Variants in COLEC12 observed in about 807,000 individuals in gnomAD.
COLEC12 encodes collectin subfamily member 12, also known as collectin-12.
Under a neutral mutation model 71.1 loss-of-function variants are expected in COLEC12, and 33 were observed. The ratio of observed to expected loss-of-function variants is 0.46; its 90% CI spans 0.35 to 0.62. COLEC12 has a LOEUF of 0.62. Among genes scored for constraint, COLEC12 ranks in the 20% least tolerant of loss-of-function variants. COLEC12 has a pLI of 0.00. For synonymous variants in COLEC12, 350 were observed against 353.0 expected, an observed-to-expected ratio of 0.99 and a Z score of 0.10; for missense variants, 765 against 916.1, an observed-to-expected ratio of 0.84 and a Z score of 2.13.
chr18:495,220 T>C (rs765036776), intron 1 of COLEC12, among the ~76,000 whole-genome samples: 2 of 152,242 alleles, frequency 1.3e-5, no homozygotes, highest in Non-Finnish European at 2.9e-5. Context: ...AAGAAGTTAC[T>C]TCCCTTAAGG....
intron 2 of COLEC12, among the ~76,000 whole-genome samples, chr18:467,441 G>C (rs556133619): frequency 6.6e-6 from 1 of 152,262 alleles, no homozygotes; most frequent in South Asian, 2.1e-4. Flanking sequence ...TCTTAAGAAG[G>C]GGCACAGCTA....
chr18:442,987 G>C (rs1916574685), intron 2 of COLEC12, among the ~76,000 whole-genome samples: 1 of 152,138 alleles, frequency 6.6e-6, no homozygotes, highest in Non-Finnish European at 1.5e-5. Context: ...TAAAATAAAA[G>C]CTGCAGGTCA....
At chr18:372,853 G>A (rs542263413) in intron 2 of COLEC12, among the ~76,000 whole-genome samples, 1 of 152,330 alleles carries the variant, frequency 6.6e-6, no homozygotes, top group South Asian at 2.1e-4. Context: ...TGATGACTCA[G>A]GAAGAGGGGA....
At chr18:422,324 C>T (rs114232880) in intron 2 of COLEC12, among the ~76,000 whole-genome samples, 50 of 152,300 alleles carry the variant, frequency 3.3e-4, no homozygotes, top group African/African-American at 1.2e-3. Flanking sequence ...TACATCCAGA[C>T]CATGCTCTCT....
intron 2 of COLEC12, among the ~76,000 whole-genome samples, chr18:425,535 G>C (rs1165886585): frequency 6.6e-6 from 1 of 152,172 alleles, no homozygotes; most frequent in African/African-American, 2.4e-5. Flanking sequence ...GATGAAATGA[G>C]TCTCTTTGTA....
intron 3 of COLEC12, among the ~76,000 whole-genome samples, chr18:352,789 T>C (rs1914552790): frequency 6.6e-6 from 1 of 152,164 alleles, no homozygotes; most frequent in South Asian, 2.1e-4. Flanking sequence ...GCACCAATTC[T>C]CAATCAGGAA....
At chr18:385,497 G>A (rs1231042061) in intron 2 of COLEC12, among the ~76,000 whole-genome samples, 1 of 151,712 alleles carries the variant, frequency 6.6e-6, no homozygotes, top group African/African-American at 2.4e-5. Context: ...GCTAATTTTT[G>A]TATTTTTAGT....
intron 2 of COLEC12, among the ~76,000 whole-genome samples, chr18:383,981 T>C (rs1915289696): frequency 2.0e-5 from 3 of 152,166 alleles, no homozygotes. Flanking sequence ...ATGAGACTTA[T>C]TCATTTCCAT....
Position 334,790 on chromosome 18 carries a change from C to T in COLEC12, c.1768G>A (p.Val590Met), listed in dbSNP as rs1567875674. The T allele has an allele frequency of 6.7e-7, 1 of 1,496,892 alleles. No individual in the cohort carries two copies. 92.7% of individuals were successfully genotyped at this position (1,496,892 alleles called of 1,614,324 possible). ...GGCTCATTCTGCAGGGCCAGGGGCA[C>T]CACCGCTCCTGATGGGCCAGGAGGG... ...PGPPGPSGAV[V>M]PLALQNEPTP... Residue 590 changes from valine to methionine, a missense_variant, in exon 6 of 10, where the codon GTG becomes ATG. By Grantham distance (21) the Val-to-Met change is conservative. Transcript: ENST00000400256.
At chr18:470,565 A>G (rs1450019071) in intron 2 of COLEC12, among the ~76,000 whole-genome samples, 1 of 151,984 alleles carries the variant, frequency 6.6e-6, no homozygotes, top group East Asian at 1.9e-4. Context: ...TGGGCAATGT[A>G]GCAAGACCCT....
intron 5 of COLEC12, among the ~76,000 whole-genome samples, chr18:335,530 T>C (rs570025247): frequency 1.3e-5 from 2 of 152,166 alleles, no homozygotes; most frequent in Admixed American, 1.3e-4. Context: ...CCTAATCCAA[T>C]AGGACTGGTG....
chr18:398,972 T>C (rs1915625142), intron 2 of COLEC12, among the ~76,000 whole-genome samples: 1 of 152,240 alleles, frequency 6.6e-6, no homozygotes, highest in Non-Finnish European at 1.5e-5. Flanking sequence ...AGCAGGTCTA[T>C]ATGTAGTATC....
chr18:333,194 C>G, intron 6 of COLEC12, 51 bp from the exon 7 acceptor site: 1 of 1,509,476 alleles, frequency 6.6e-7, no homozygotes, highest in Non-Finnish European at 9.0e-7. Context: ...AGAAAGCACT[C>G]TGCCTTTCTT....
chr18:447,547 T>C (rs1598367121), intron 2 of COLEC12, among the ~76,000 whole-genome samples: 1 of 152,140 alleles, frequency 6.6e-6, no homozygotes, highest in Non-Finnish European at 1.5e-5. Context: ...AGATCCACCA[T>C]ACAGGCACTC....
chr18:410,735 T>C (rs1915876983), intron 2 of COLEC12, among the ~76,000 whole-genome samples: 1 of 151,352 alleles, frequency 6.6e-6, no homozygotes, highest in Non-Finnish European at 1.5e-5. Context: ...ATTATTTCTA[T>C]CCTAGACTTA....
At chr18:403,892 A>G (rs7236111) in intron 2 of COLEC12, among the ~76,000 whole-genome samples, 43,985 of 152,136 alleles carry the variant, frequency 0.29, 6,670 homozygotes, top group African/African-American at 0.39. Flanking sequence ...GCACAAACAA[A>G]GGATTGGAAG....
chr18:357,543 T>TAA, intron 2 of COLEC12, 21 bp from the exon 3 acceptor site: 1 of 1,511,246 alleles, frequency 6.6e-7, no homozygotes, highest in Non-Finnish European at 8.9e-7. Context: ...AGTCAAATTT[T>TAA]AATAACAGTA....
intron 1 of COLEC12, among the ~76,000 whole-genome samples, chr18:490,793 A>G (rs1917606014): frequency 6.6e-6 from 1 of 152,242 alleles, no homozygotes; most frequent in Admixed American, 6.5e-5. Flanking sequence ...CAGGTTTCCA[A>G]CAAATGCCAA....
chr18:487,057 G>A (rs147649015), intron 1 of COLEC12, among the ~76,000 whole-genome samples: 3 of 152,188 alleles, frequency 2.0e-5, no homozygotes, highest in East Asian at 3.8e-4. Flanking sequence ...GCAAAAAAAG[G>A]GGGGGAGACA....
Sources: gnomAD v4.1 joint callset for allele counts (sites outside exome capture counted in the v4.1 genomes callset) on GRCh38, gnomAD v4.1.1 for gene constraint, MANE v1.5 for transcripts, NCBI Gene and HGNC (gene_info 2026-07-23, HGNC 2026-07-21) for gene names.